Variants in PKHD1 observed in about 807,000 individuals in gnomAD.
PKHD1 encodes PKHD1 ciliary IPT domain containing fibrocystin/polyductin.
Under a neutral mutation model 412.0 loss-of-function variants are expected in PKHD1, and 291 were observed. The ratio of observed to expected loss-of-function variants is 0.71; its 90% CI spans 0.64 to 0.78. PKHD1 has a LOEUF of 0.78. Among genes scored for constraint, PKHD1 ranks in the 30% least tolerant of loss-of-function variants. The pLI, the probability that PKHD1 is intolerant of heterozygous loss-of-function variation, is 0.00. For synonymous variants in PKHD1, 1,777 were observed against 1,821.5 expected (o/e 0.98, Z 0.62); for missense variants, 4,825 against 4,950.7 (o/e 0.97, Z 0.76).
chr6:51,769,427 T>TA (rs746902157), intron 55 of PKHD1, among the ~76,000 whole-genome samples: 22 of 151,312 alleles, frequency 1.5e-4, no homozygotes, highest in Non-Finnish European at 2.8e-4. Flanking sequence ...TCAGAAATGT[T>TA]AAAGTTGCAC....
At chr6:51,791,436 G>A (rs2151263776) in intron 52 of PKHD1, 63 bp from the exon 53 acceptor site, 1 of 1,531,940 alleles carries the variant, frequency 6.5e-7, no homozygotes, top group African/African-American at 1.4e-5. Flanking sequence ...GTTTATTCTG[G>A]GGTTCTCCCA....
chr6:51,951,557 T>C (rs567962637), intron 36 of PKHD1, among the ~76,000 whole-genome samples: 50 of 152,290 alleles, frequency 3.3e-4, no homozygotes, highest in African/African-American at 1.2e-3. Context: ...TAAAAATGAT[T>C]TGGTATAGCA....
At chr6:51,748,746 T>C in intron 57 of PKHD1, 81 bp from the exon 58 acceptor site, 1 of 1,122,638 alleles carries the variant, frequency 8.9e-7, no homozygotes, top group Non-Finnish European at 1.4e-6. Context: ...GGCATTAAGA[T>C]ATGAACATTT....
chr6:52,082,602 G>A, intron 3 of PKHD1, 60 bp from the exon 4 acceptor site: 2 of 1,530,478 alleles, frequency 1.3e-6, no homozygotes, highest in South Asian at 2.2e-5. Context: ...AGGACAGTGT[G>A]AAACTGTGCT....
chr6:51,985,257 T>C (rs1796065018), intron 35 of PKHD1, among the ~76,000 whole-genome samples: 1 of 152,242 alleles, frequency 6.6e-6, no homozygotes, highest in African/African-American at 2.4e-5. Flanking sequence ...GTATTGTTTG[T>C]AGAAATCAAC....
chr6:51,809,437 TATC>T (rs1161481010), intron 52 of PKHD1, among the ~76,000 whole-genome samples: 7 of 152,202 alleles, frequency 4.6e-5, no homozygotes, highest in Middle Eastern at 3.4e-3. Flanking sequence ...CCTATGACAA[TATC>T]ATACCAGCTT....
intron 44 of PKHD1, 39 bp from the exon 45 acceptor site, chr6:51,886,011 T>C (rs748775588): frequency 1.7e-6 from 2 of 1,163,538 alleles, no homozygotes; most frequent in Non-Finnish European, 2.6e-6. Flanking sequence ...CCAATTTTTA[T>C]GTTTCTAACT....
intron 53 of PKHD1, among the ~76,000 whole-genome samples, chr6:51,787,021 C>T (rs1792978179): frequency 6.6e-6 from 1 of 152,190 alleles, no homozygotes; most frequent in Admixed American, 6.5e-5. Flanking sequence ...TGATTCAACT[C>T]TATTAAAAGT....
chr6:51,645,907 C>T (rs1336856978), intron 63 of PKHD1, among the ~76,000 whole-genome samples: 1 of 152,126 alleles, frequency 6.6e-6, no homozygotes, highest in African/African-American at 2.4e-5. Context: ...AACTGTCTGA[C>T]ATAGAAGTTG....
chr6:52,027,191 C>G (rs1802322241), intron 31 of PKHD1, among the ~76,000 whole-genome samples: 1 of 152,130 alleles, frequency 6.6e-6, no homozygotes, highest in South Asian at 2.1e-4. Context: ...CATATCCACT[C>G]TAGAGTGTCA....
In PKHD1 at chr6:51,903,691, A is replaced by G. The variant is rs1173009507; in HGVS notation, c.6902T>C (p.Val2301Ala). 6.2e-7 allele frequency: 1 copy of G among 1,611,384 alleles called. No homozygotes were observed. The highest frequency in any genetic ancestry group is 8.5e-7 in the Non-Finnish European group (1 of 1,177,756). The change falls in exon 43 of 67, where the codon GTG becomes GCG. Residue 2301 changes from valine to alanine, a missense_variant. Transcript: ENST00000371117. Reference protein sequence around the residue: ...SGHGNIIRNNVIIQVSGAEGL... With the variant: ...SGHGNIIRNNAIIQVSGAEGL... ...CTCGGCACCAGAAACCTGGATGATCACGTTGTTTCTTATTATATTTCCATG... is the reference window on the plus strand; with the variant it reads ...CTCGGCACCAGAAACCTGGATGATCGCGTTGTTTCTTATTATATTTCCATG...
intron 37 of PKHD1, among the ~76,000 whole-genome samples, chr6:51,914,982 C>G (rs780745115): frequency 1.3e-5 from 2 of 152,128 alleles, no homozygotes; most frequent in East Asian, 1.9e-4. Flanking sequence ...TCAGCAAAAT[C>G]TGTGTGTACA....
chr6:51,823,199 T>G (rs750334788), intron 52 of PKHD1, among the ~76,000 whole-genome samples: 1 of 152,032 alleles, frequency 6.6e-6, no homozygotes, highest in Non-Finnish European at 1.5e-5. Context: ...AGGTGCCCAA[T>G]ACGGTCACAC....
chr6:52,026,172 A>G lies in PKHD1; in HGVS notation c.3638T>C (p.Ile1213Thr). The G allele has an allele frequency of 6.2e-7, 1 of 1,613,978 alleles. No homozygotes were observed. The highest frequency in any genetic ancestry group is 1.6e-4 in the Middle Eastern group (1 of 6,062). The change falls in exon 32 of 67, where the codon ATC becomes ACC. Residue 1213 changes from isoleucine (I) to threonine (T), a missense_variant. Coordinates refer to ENST00000371117, the MANE Select transcript of PKHD1 (RefSeq NM_138694.4). Reference protein sequence around the residue: ...PCCGSLLGGTILSISGIGFSR... With the variant: ...PCCGSLLGGTTLSISGIGFSR... ...GAAGCCTATTCCTGAGATGCTGAGG[A>G]TGGTCCCTCCTAAAGTATGAATACG...
intron 36 of PKHD1, among the ~76,000 whole-genome samples, chr6:51,942,548 C>T (rs1238648045): frequency 2.0e-5 from 3 of 151,506 alleles, no homozygotes; most frequent in African/African-American, 4.8e-5. Flanking sequence ...ACCACTGTTC[C>T]TGGCCCGGAC....
chr6:51,932,480 G>A (rs1353201538), intron 37 of PKHD1, among the ~76,000 whole-genome samples: 1 of 152,166 alleles, frequency 6.6e-6, no homozygotes, highest in Non-Finnish European at 1.5e-5. Flanking sequence ...TCTATGGGCT[G>A]GCTGAACCAC....
intron 60 of PKHD1, among the ~76,000 whole-genome samples, chr6:51,731,534 T>C (rs1006971453): frequency 2.6e-5 from 4 of 152,198 alleles, no homozygotes; most frequent in African/African-American, 9.6e-5. Flanking sequence ...CTAGACAAGC[T>C]TTGTTTTTTA....
At chr6:51,790,972 G>A (rs1469268032) in intron 53 of PKHD1, among the ~76,000 whole-genome samples, 1 of 152,120 alleles carries the variant, frequency 6.6e-6, no homozygotes, top group Non-Finnish European at 1.5e-5. Flanking sequence ...CCTGGAGGAG[G>A]TAAAAAATCA....
intron 36 of PKHD1, among the ~76,000 whole-genome samples, chr6:51,950,052 T>C (rs1790077641): frequency 6.6e-6 from 1 of 151,846 alleles, no homozygotes; most frequent in Non-Finnish European, 1.5e-5. Context: ...ATTTTAATTG[T>C]AATGTCTCTG....
Sources: allele counts gnomAD v4.1 joint callset (sites outside exome capture counted in the v4.1 genomes callset), GRCh38; gene constraint gnomAD v4.1.1; transcripts MANE v1.5; gene names NCBI Gene and HGNC (gene_info 2026-07-23, HGNC 2026-07-21).